The following RIPK2 variants were observed in gnomAD, a reference collection of about 807,000 sequenced individuals.
RIPK2 encodes receptor-interacting serine/threonine-protein kinase 2.
In RIPK2, 38 loss-of-function variants were observed where a neutral mutation model predicts 60.9. The ratio of observed to expected loss-of-function variants is 0.62; its 90% CI spans 0.48 to 0.82. The LOEUF (loss-of-function observed/expected upper bound fraction) is 0.82. RIPK2 is among the 40% of genes least tolerant of loss of function. The pLI is 0.00. For synonymous variants in RIPK2, 225 were observed against 223.4 expected (o/e 1.01, Z -0.06); for missense variants, 518 against 647.0 (o/e 0.80, Z 2.16).
At chr8:89,772,082 T>C (rs1170533574) in intron 5 of RIPK2, among the ~76,000 whole-genome samples, 12 of 152,028 alleles carry the variant, frequency 7.9e-5, no homozygotes, top group Admixed American at 7.9e-4. Context: ...ACAAATCTCT[T>C]GCGTCCTCAT....
At chr8:89,787,080 C>T (rs1438467027) in intron 9 of RIPK2, among the ~76,000 whole-genome samples, 4 of 152,154 alleles carry the variant, frequency 2.6e-5, no homozygotes, top group South Asian at 2.1e-4. Context: ...GCGGAAAGAT[C>T]GCTTGAACCT....
chr8:89,760,229 A>AG (rs1491431129), intron 1 of RIPK2, among the ~76,000 whole-genome samples: 99,817 of 151,870 alleles, frequency 0.66, 34,595 homozygotes, highest in African/African-American at 0.89. Flanking sequence ...ATGACCTGAA[A>AG]AAAAATAAGT....
chr8:89,789,747 A>T (rs1809644615), intron 10 of RIPK2, among the ~76,000 whole-genome samples: 1 of 152,200 alleles, frequency 6.6e-6, no homozygotes, highest in Admixed American at 6.5e-5. Flanking sequence ...TATTTAAAAA[A>T]TTTGCAGGTA....
chr8:89,786,737 C>A (rs769115377), intron 9 of RIPK2, 51 bp downstream of exon 9: 1 of 1,097,646 alleles, frequency 9.1e-7, no homozygotes, highest in East Asian at 2.4e-5. Context: ...CATTTTCTTT[C>A]AAGATCAAAT....
At chr8:89,767,181 G>A (rs1443896233) in intron 3 of RIPK2, among the ~76,000 whole-genome samples, 1 of 151,690 alleles carries the variant, frequency 6.6e-6, no homozygotes, top group East Asian at 1.9e-4. Flanking sequence ...ATAAGATGCA[G>A]GACTTAAGTG....
chr8:89,765,599 G>T (rs1225081207), intron 3 of RIPK2, 103 bp downstream of exon 3: 2 of 658,142 alleles, frequency 3.0e-6, no homozygotes. Flanking sequence ...TCTCCTTAGA[G>T]ATAGAGACTA....
In RIPK2 at chr8:89,758,151, A is replaced by G; in HGVS notation, c.91A>G (p.Thr31Ala). 2 of 1,598,862 alleles carry G rather than the reference A, an allele frequency of 1.3e-6. No homozygotes were observed. The highest frequency in any genetic ancestry group is 1.7e-6 in the Non-Finnish European group (2 of 1,174,128). Residue 31 changes from threonine to alanine, a missense_variant, in exon 1 of 11, where the codon ACT becomes GCT. This residue lies in a region of RIPK2 where 448 missense variants were observed against 534.7 expected (regional missense o/e 0.84). Transcript: ENST00000220751. ...LRYLSRGASG[T>A]VSSARHADWR... ...CTACCTGAGCCGCGGCGCCTCTGGC[A>G]CTGTGTCGTCCGCCCGCCACGCAGA...
In RIPK2 at chr8:89,757,846, C is replaced by T. The variant is rs202202705; in HGVS notation, c.-215C>T. 7.6e-7 allele frequency: 1 copy of T among 1,312,750 alleles called. No individual in the cohort carries two copies. The highest frequency in any genetic ancestry group is 9.7e-7 in the Non-Finnish European group (1 of 1,030,964). The allele number at this position is 1,312,750 out of a possible 1,614,324, so 81.3% of individuals were successfully genotyped here. A position where few individuals can be genotyped will look rare whatever the true frequency, so the allele number is the denominator to read the frequency against. Reference sequence around the variant, plus strand: ...GCGGCGCTACGGCGTTGGCACCAGTCTCTAGAAAAGAAGTCAGCTCTGGTT... The same window carrying T: ...GCGGCGCTACGGCGTTGGCACCAGTTTCTAGAAAAGAAGTCAGCTCTGGTT... On this transcript the variant is annotated 5_prime_UTR_variant, in exon 1 of 11. Transcript: ENST00000220751.
At chr8:89,781,177 C>T (rs1300540730) in intron 7 of RIPK2, among the ~76,000 whole-genome samples, 2 of 151,756 alleles carry the variant, frequency 1.3e-5, no homozygotes, top group East Asian at 1.9e-4. Flanking sequence ...TTGCCTGCCC[C>T]TTGTGGGTTG....
chr8:89,780,812 C>T (rs1020577644), intron 7 of RIPK2: 3 of 151,772 alleles, frequency 2.0e-5, no homozygotes, highest in African/African-American at 7.3e-5. Context: ...TTCATTTTTC[C>T]TCTCAAACAC....
At chr8:89,783,093 C>T (rs1007846063) in intron 7 of RIPK2, among the ~76,000 whole-genome samples, 1 of 152,196 alleles carries the variant, frequency 6.6e-6, no homozygotes, top group East Asian at 1.9e-4. Flanking sequence ...TAATTTCCTT[C>T]TGAAGTTCCT....
intron 9 of RIPK2, among the ~76,000 whole-genome samples, chr8:89,786,985 G>T (rs779532122): frequency 4.6e-5 from 7 of 151,816 alleles, no homozygotes; most frequent in Non-Finnish European, 7.4e-5. Context: ...GGCCAACATG[G>T]TGAAACCCCA....
chr8:89,778,301 T>G (rs1394046602), intron 6 of RIPK2, among the ~76,000 whole-genome samples: 2 of 152,298 alleles, frequency 1.3e-5, no homozygotes, highest in East Asian at 3.9e-4. Flanking sequence ...AAGATTATTT[T>G]TTTCAAAAGC....
At chr8:89,765,197 A>T in intron 2 of RIPK2, 144 bp from the exon 3 acceptor site, 1 of 527,752 alleles carries the variant, frequency 1.9e-6, no homozygotes, top group Non-Finnish European at 3.3e-6. Context: ...AACCCTATCA[A>T]ATTGGTGCTA....
chr8:89,770,599 A>G (rs1809296632), intron 4 of RIPK2, among the ~76,000 whole-genome samples: 1 of 151,864 alleles, frequency 6.6e-6, no homozygotes, highest in African/African-American at 2.4e-5. Context: ...TATACTAATG[A>G]ATGCAAAAGC....
intron 8 of RIPK2, among the ~76,000 whole-genome samples, chr8:89,785,408 C>G (rs182214158): frequency 6.6e-6 from 1 of 151,896 alleles, no homozygotes; most frequent in South Asian, 2.1e-4. Flanking sequence ...AAGCCAAGAT[C>G]GCACCACTGC....
chr8:89,762,409 G>GT (rs1403015739), intron 1 of RIPK2, among the ~76,000 whole-genome samples: 1 of 151,832 alleles, frequency 6.6e-6, no homozygotes, highest in African/African-American at 2.4e-5. Context: ...ATGTTTATAT[G>GT]GTATGCAACC....
intron 6 of RIPK2, among the ~76,000 whole-genome samples, chr8:89,774,971 C>T (rs917869060): frequency 6.6e-6 from 1 of 151,954 alleles, no homozygotes; most frequent in Non-Finnish European, 1.5e-5. Flanking sequence ...TTGTCATCAC[C>T]GGTAATCCAA....
rs1217573352 is a variant in RIPK2, at chr8:89,790,272, T to G, written c.1479T>G (p.Thr493=). The change falls in exon 11 of 11, where the codon ACT becomes ACG. Residue 493 remains threonine, a synonymous_variant. Coordinates refer to ENST00000220751, the MANE Select transcript of RIPK2 (RefSeq NM_003821.6). Reference sequence around the variant, plus strand: ...CAAAAGTCAGACAATTACTAGACACTACTGACATCCAAGGAGAAGAATTTG... The same window carrying G: ...CAAAAGTCAGACAATTACTAGACACGACTGACATCCAAGGAGAAGAATTTG... The part of the protein sequence containing the change: ...RTSKVRQLLD[T]TDIQGEEFAK... 4 of 1,613,974 alleles carry G rather than the reference T, an allele frequency of 2.5e-6. No individual in the cohort carries two copies. The highest frequency in any genetic ancestry group is 2.5e-6 in the Non-Finnish European group (3 of 1,179,988).
Sources: allele counts gnomAD v4.1 joint callset (sites outside exome capture counted in the v4.1 genomes callset), GRCh38; gene constraint gnomAD v4.1.1; regional missense constraint gnomAD v4.1.1; transcripts MANE v1.5; gene names NCBI Gene and HGNC (gene_info 2026-07-23, HGNC 2026-07-21).